The following RNF144A variants were observed in gnomAD, a reference collection of about 807,000 sequenced individuals.
The protein encoded by RNF144A is ring finger protein 144A, also known as E3 ubiquitin-protein ligase RNF144A.
RNF144A carries 11 observed loss-of-function variants against 38.7 expected under a neutral mutation model. That is an observed-to-expected ratio of 0.28 (90% CI 0.18 to 0.47). The LOEUF (loss-of-function observed/expected upper bound fraction) is 0.47, where lower values mean the gene tolerates loss of function less well. Among genes scored for constraint, RNF144A ranks in the 20% least tolerant of loss-of-function variants. The pLI is 0.99. For synonymous variants in RNF144A, 149 were observed against 143.9 expected (o/e 1.04, Z -0.25); for missense variants, 316 against 377.2 (o/e 0.84, Z 1.34).
chr2:6,933,213 A>G (rs1219144888), intron 1 of RNF144A: 1 of 152,200 alleles, frequency 6.6e-6, no homozygotes, highest in Non-Finnish European at 1.5e-5. Flanking sequence ...TTACGTACGT[A>G]TGTGTAAGGA....
intron 6 of RNF144A, among the ~76,000 whole-genome samples, chr2:7,066,887 G>A (rs309266): frequency 0.27 from 40,909 of 152,014 alleles, 6,731 homozygotes; most frequent in South Asian, 0.42. Flanking sequence ...CCTTGGCTTC[G>A]CTTTCTAGTT....
At chr2:7,013,493 G>A (rs3771970) in intron 3 of RNF144A, among the ~76,000 whole-genome samples, 35,511 of 152,064 alleles carry the variant, frequency 0.23, 5,203 homozygotes, top group East Asian at 0.56. Context: ...ATTATATATT[G>A]TTGCTAATAT....
At position 6,917,454 on chromosome 2, in the gene RNF144A, C is replaced by G. The variant is rs1366737769; in HGVS notation, c.-380C>G. The G allele has an allele frequency of 4.8e-5, 7 of 147,088 alleles. No homozygotes were observed. The highest frequency in any genetic ancestry group is 4.2e-4 in the South Asian group (2 of 4,818). The allele number at this position is 147,088 out of a possible 1,614,324, so 9.1% of individuals were successfully genotyped here. On this transcript the variant is annotated 5_prime_UTR_variant, in exon 1 of 9. Coordinates refer to ENST00000320892, the MANE Select transcript of RNF144A (RefSeq NM_014746.6). The surrounding 1 kb of genome is among the most constrained non-coding windows in gnomAD (Gnocchi z 4.8). ...CCCCGCCCGCGCAGCCGCTTCTCCC[C>G]GCGCGGGCTCTCGGCAGGCGGGAGG... is the stretch of plus-strand genomic sequence containing the variant.
Position 6,996,917 on chromosome 2 carries a change from C to G in RNF144A, c.-10C>G. On this transcript the variant is annotated splice_region_variant and 5_prime_UTR_variant, in exon 3 of 9. Coordinates refer to ENST00000320892, the MANE Select transcript of RNF144A (RefSeq NM_014746.6). ...CCTTCCGTGCTTCTCTCGTTTCAGA[C>G]TGTTCTGCGATGACCACAACAAGGT... The G allele has an allele frequency of 6.2e-7, 1 of 1,613,070 alleles. No homozygotes were observed. Among genetic ancestry groups the G allele is most frequent in the Non-Finnish European group, 8.5e-7 (1 of 1,179,622 alleles).
chr2:7,003,387 A>G (rs1378082999), intron 3 of RNF144A, among the ~76,000 whole-genome samples: 1 of 152,238 alleles, frequency 6.6e-6, no homozygotes, highest in Non-Finnish European at 1.5e-5. Context: ...AGCGCCCTGT[A>G]TAAGTATATG....
At chr2:7,014,901 A>C (rs1671044328) in intron 5 of RNF144A, 129 bp downstream of exon 5, 1 of 672,632 alleles carries the variant, frequency 1.5e-6, no homozygotes. Flanking sequence ...ATGTAAAATA[A>C]ACTTCTGAAA....
Position 7,034,707 on chromosome 2 carries a change from G to T in RNF144A, c.747+4492G>T, listed in dbSNP as rs139241029. 2.6e-5 allele frequency among the ~76,000 whole-genome samples: 4 copies of T among 152,330 alleles called. No homozygotes were observed. The East Asian group carries it at 5.8e-4, about 22-fold the overall frequency. ...TATTTCTTGATAATTCAACAAGCTGGAATATTCAAGAAAAATAGTATGAAA... is the reference window on the plus strand; with the variant it reads ...TATTTCTTGATAATTCAACAAGCTGTAATATTCAAGAAAAATAGTATGAAA... On this transcript the variant is annotated intron_variant, in intron 8 of 8. Transcript: ENST00000320892.
At chr2:7,012,619 G>A (rs572024405) in intron 3 of RNF144A, among the ~76,000 whole-genome samples, 3 of 152,306 alleles carry the variant, frequency 2.0e-5, no homozygotes, top group Non-Finnish European at 4.4e-5. Flanking sequence ...AGTCCGCAGC[G>A]CCACTGCCAC....
chr2:7,058,927 T>G (rs1237083057), intron 6 of RNF144A, among the ~76,000 whole-genome samples: 1 of 152,168 alleles, frequency 6.6e-6, no homozygotes, highest in Non-Finnish European at 1.5e-5. Context: ...CCTGTATGTA[T>G]GCAGGTCATG....
chr2:6,918,296 G>T (rs1664276526), intron 1 of RNF144A: 1 of 152,330 alleles, frequency 6.6e-6, no homozygotes, highest in Non-Finnish European at 1.5e-5. Context: ...CCAGCCTCCG[G>T]CCGCCGACCC....
chr2:6,934,571 T>C (rs999980055), intron 1 of RNF144A, among the ~76,000 whole-genome samples: 1 of 152,258 alleles, frequency 6.6e-6, no homozygotes, highest in Non-Finnish European at 1.5e-5. Context: ...CATATTTCAG[T>C]TATTTTTTTC....
chr2:7,036,096 A>C (rs959658355), intron 8 of RNF144A, among the ~76,000 whole-genome samples: 4 of 152,172 alleles, frequency 2.6e-5, no homozygotes, highest in Admixed American at 6.6e-5. Flanking sequence ...TGCCCTGTCC[A>C]TCTGCCCTCC....
intron 3 of RNF144A, among the ~76,000 whole-genome samples, chr2:7,005,316 G>C (rs1054211258): frequency 7.2e-5 from 11 of 152,200 alleles, no homozygotes; most frequent in African/African-American, 2.4e-4. Context: ...CTGGCTCCTG[G>C]GGTTCCGAGG....
intron 6 of RNF144A, among the ~76,000 whole-genome samples, chr2:7,059,619 T>C (rs1233897009): frequency 1.3e-5 from 2 of 152,172 alleles, no homozygotes; most frequent in South Asian, 2.1e-4. Flanking sequence ...AGAGAGAACC[T>C]TGGGGACCAG....
intron 2 of RNF144A, among the ~76,000 whole-genome samples, chr2:6,977,468 T>G (rs1316210751): frequency 1.3e-5 from 2 of 152,272 alleles, no homozygotes; most frequent in Non-Finnish European, 2.9e-5. Flanking sequence ...CATTTTAATT[T>G]CACTGCAGAG....
intron 2 of RNF144A, among the ~76,000 whole-genome samples, chr2:6,970,652 C>T (rs1347233817): frequency 6.6e-6 from 1 of 152,168 alleles, no homozygotes; most frequent in Non-Finnish European, 1.5e-5. Context: ...AAACTGAGGC[C>T]TGGAGAGGGA....
chr2:7,009,215 A>G (rs1234537786), intron 3 of RNF144A, among the ~76,000 whole-genome samples: 2 of 152,262 alleles, frequency 1.3e-5, no homozygotes, highest in Non-Finnish European at 2.9e-5. Flanking sequence ...CTGAAGGGGT[A>G]AGAAGAACTA....
intron 2 of RNF144A, among the ~76,000 whole-genome samples, chr2:6,975,898 G>A (rs533033646): frequency 7.2e-5 from 11 of 152,352 alleles, no homozygotes; most frequent in African/African-American, 2.4e-4. Flanking sequence ...GTTTATCGTA[G>A]GATATATGCT....
intron 7 of RNF144A, among the ~76,000 whole-genome samples, chr2:7,028,012 CCTT>C (rs1382560454): frequency 6.6e-6 from 1 of 152,008 alleles, no homozygotes; most frequent in Non-Finnish European, 1.5e-5. Flanking sequence ...AAGTTCTTGA[CCTT>C]GAGGAGCTTG....
Sources: allele counts gnomAD v4.1 joint callset (sites outside exome capture counted in the v4.1 genomes callset), GRCh38; gene constraint gnomAD v4.1.1; non-coding constraint Gnocchi (gnomAD v3.1); transcripts MANE v1.5; gene names NCBI Gene and HGNC (gene_info 2026-07-23, HGNC 2026-07-21).